The following ANKRD31 variants were observed in gnomAD, a reference collection of about 807,000 sequenced individuals.
ANKRD31 encodes ankyrin repeat domain-containing protein 31.
A neutral mutation model predicts 186.0 loss-of-function variants in ANKRD31; 147 were observed. The ratio of observed to expected loss-of-function variants is 0.79; its 90% CI spans 0.69 to 0.91. The LOEUF is 0.91. Among genes scored for constraint, ANKRD31 ranks in the 40% least tolerant of loss-of-function variants. The pLI is 0.00. For missense variants in ANKRD31, 1,986 were observed against 2,148.8 expected (o/e 0.92, Z 1.50); for synonymous variants, 673 against 736.4 (o/e 0.91, Z 1.39).
chr5:75,198,969 G>T (rs1755642753), intron 6 of ANKRD31, among the ~76,000 whole-genome samples: 1 of 152,194 alleles, frequency 6.6e-6, no homozygotes, highest in Non-Finnish European at 1.5e-5. Flanking sequence ...GCAGGAAAGT[G>T]TAAGGTGTGG....
chr5:75,112,464 G>T, intron 20 of ANKRD31, 49 bp downstream of exon 20: 2 of 1,242,212 alleles, frequency 1.6e-6, no homozygotes, highest in South Asian at 1.4e-5. Context: ...TTAAGAAGAT[G>T]ACCTTGGGTA....
chr5:75,146,434 T>C lies in ANKRD31; in HGVS notation c.2977A>G (p.Ile993Val), dbSNP rs184150131. The part of the protein sequence containing the change: ...SEHVANYEQC[I>V]FGPSFDHSNG... The stretch of plus-strand genomic sequence containing the variant: ...GAGTGATCAAAAGAAGGTCCAAATA[T>C]GCATTGTTCATAATTTGCAACATGT... Residue 993 changes from isoleucine to valine, a missense_variant, in exon 14 of 26, where the codon ATA (isoleucine) becomes GTA (valine). Coordinates refer to ENST00000506364, the MANE Select transcript of ANKRD31 (RefSeq NM_001372053.1). The C allele has an allele frequency of 9.2e-4, 1,416 of 1,536,482 alleles. No homozygotes were observed. Among genetic ancestry groups the C allele is most frequent in the Non-Finnish European group, 1.2e-3 (1,352 of 1,146,452 alleles).
intron 2 of ANKRD31, among the ~76,000 whole-genome samples, chr5:75,227,156 A>C (rs763990882): frequency 3.3e-5 from 5 of 152,226 alleles, no homozygotes; most frequent in Admixed American, 6.5e-5. Flanking sequence ...GCAGGTCATA[A>C]GTGAAATAAG....
chr5:75,230,160 C>G (rs982793930), intron 2 of ANKRD31, among the ~76,000 whole-genome samples: 6 of 151,974 alleles, frequency 3.9e-5, no homozygotes, highest in Non-Finnish European at 7.4e-5. Context: ...AGCACGGGCT[C>G]TTCAATGGAC....
chr5:75,181,947 T>TA (rs537186038), intron 10 of ANKRD31, among the ~76,000 whole-genome samples: 1 of 150,138 alleles, frequency 6.7e-6, no homozygotes, highest in African/African-American at 2.5e-5. Context: ...AAATAAAAAA[T>TA]AAAAAAAATA....
intron 17 of ANKRD31, among the ~76,000 whole-genome samples, chr5:75,130,419 C>A (rs1057456170): frequency 6.6e-6 from 1 of 152,210 alleles, no homozygotes; most frequent in African/African-American, 2.4e-5. Context: ...CCTTATCTGG[C>A]CCCACCTACA....
intron 9 of ANKRD31, 77 bp downstream of exon 9, chr5:75,192,590 G>A (rs999488598): frequency 1.7e-6 from 2 of 1,186,874 alleles, no homozygotes; most frequent in Non-Finnish European, 2.3e-6. Flanking sequence ...AGAAAGTTGA[G>A]AAAGATAATC....
chr5:75,068,356 T>C lies in ANKRD31; in HGVS notation c.*163A>G. ...GCAAAAAAGCATTAATCTTATATAATTGTTGAACAGTTACATACATCTTAA... is the reference window on the plus strand; with the variant it reads ...GCAAAAAAGCATTAATCTTATATAACTGTTGAACAGTTACATACATCTTAA... On this transcript the variant is annotated 3_prime_UTR_variant, in exon 26 of 26. Transcript: ENST00000506364. 3.4e-6 allele frequency: 2 copies of C among 581,748 alleles called. No individual in the cohort carries two copies. The highest frequency in any genetic ancestry group is 5.2e-6 in the Non-Finnish European group (2 of 387,122). The allele number at this position is 581,748 out of a possible 1,614,324, so 36.0% of individuals were successfully genotyped here.
intron 2 of ANKRD31, among the ~76,000 whole-genome samples, chr5:75,229,671 C>A (rs1321545571): frequency 1.3e-5 from 2 of 151,926 alleles, no homozygotes; most frequent in African/African-American, 4.8e-5. Flanking sequence ...TCAAGACCAG[C>A]CTGGCCAATA....
chr5:75,095,815 A>G (rs765667194), intron 22 of ANKRD31, among the ~76,000 whole-genome samples: 2 of 152,192 alleles, frequency 1.3e-5, no homozygotes. Flanking sequence ...ATGTATATAT[A>G]GAAAAAAAAC....
At chr5:75,088,901 T>C (rs1245005085) in intron 23 of ANKRD31, among the ~76,000 whole-genome samples, 1 of 152,220 alleles carries the variant, frequency 6.6e-6, no homozygotes, top group East Asian at 1.9e-4. Context: ...CACCTAGCAC[T>C]ACTTATTTTA....
intron 17 of ANKRD31, among the ~76,000 whole-genome samples, chr5:75,129,065 T>G (rs1372289483): frequency 6.6e-6 from 1 of 152,190 alleles, no homozygotes; most frequent in African/African-American, 2.4e-5. Flanking sequence ...GATTGGATCA[T>G]GAGGGTGGTT....
rs1378955918 is a variant in ANKRD31, at chr5:75,195,916, A to C, written c.732T>G (p.Ser244Arg). 6.5e-7 allele frequency: 1 copy of C among 1,536,020 alleles called. No homozygotes were observed. Among genetic ancestry groups the C allele is most frequent in the Non-Finnish European group, 8.7e-7 (1 of 1,146,198 alleles). The change falls in exon 7 of 26, where the codon AGT becomes AGG. Residue 244 changes from serine to arginine, a missense_variant. By Grantham distance (110) the Ser-to-Arg change is moderately radical (BLOSUM62 -1). Coordinates refer to ENST00000506364, the MANE Select transcript of ANKRD31 (RefSeq NM_001372053.1). Reference sequence around the variant, plus strand: ...TCATCAATTCTTTACGATCAAAATCACTTACTAATTCAAACAATCTTTCCT... The same window carrying C: ...TCATCAATTCTTTACGATCAAAATCCCTTACTAATTCAAACAATCTTTCCT... The part of the protein sequence containing the change: ...TQEERLFELV[S>R]DFDRKELMNP...
At chr5:75,152,195 T>G (rs1206200315) in intron 12 of ANKRD31, among the ~76,000 whole-genome samples, 2 of 152,066 alleles carry the variant, frequency 1.3e-5, no homozygotes, top group Non-Finnish European at 2.9e-5. Flanking sequence ...TGAGTTGTTC[T>G]GTCAAGAAAC....
chr5:75,173,687 A>G (rs1753540350), intron 10 of ANKRD31, among the ~76,000 whole-genome samples: 2 of 152,194 alleles, frequency 1.3e-5, no homozygotes, highest in Admixed American at 6.5e-5. Flanking sequence ...GATGTGAAGG[A>G]CCTCTTCAAG....
At chr5:75,213,004 A>C (rs1756744668) in intron 3 of ANKRD31, among the ~76,000 whole-genome samples, 1 of 151,990 alleles carries the variant, frequency 6.6e-6, no homozygotes, top group South Asian at 2.1e-4. Context: ...AATCATATCA[A>C]AAAACACAAA....
chr5:75,152,397 C>T (rs1160023118), intron 12 of ANKRD31, among the ~76,000 whole-genome samples: 1 of 151,964 alleles, frequency 6.6e-6, no homozygotes, highest in Admixed American at 6.6e-5. Context: ...TGTAGGGAGG[C>T]CCACTCACTT....
intron 25 of ANKRD31, among the ~76,000 whole-genome samples, chr5:75,073,867 A>T (rs936512063): frequency 8.5e-5 from 13 of 152,078 alleles, no homozygotes; most frequent in East Asian, 3.8e-4. Flanking sequence ...TTTTTAAAAA[A>T]TTTTTTTTAA....
intron 10 of ANKRD31, among the ~76,000 whole-genome samples, chr5:75,174,900 A>C (rs2150202128): frequency 6.6e-6 from 1 of 152,358 alleles, no homozygotes; most frequent in African/African-American, 2.4e-5. Context: ...AAGGATTGTA[A>C]ATCATGCTAC....
Sources: gnomAD v4.1 joint callset for allele counts (sites outside exome capture counted in the v4.1 genomes callset) on GRCh38, gnomAD v4.1.1 for gene constraint, MANE v1.5 for transcripts, NCBI Gene and HGNC (gene_info 2026-07-23, HGNC 2026-07-21) for gene names.